Variants in MDGA2 observed in about 807,000 individuals in gnomAD.
The protein encoded by MDGA2 is MAM domain-containing glycosylphosphatidylinositol anchor protein 2.
MDGA2 carries 40 observed loss-of-function variants against 117.8 expected under a neutral mutation model. The observed-to-expected ratio is 0.34, with a 90% CI of 0.26 to 0.44. MDGA2 has a LOEUF of 0.44. MDGA2 is among the 20% of genes least tolerant of loss of function. MDGA2 has a pLI of 1.00. For synonymous variants in MDGA2, 452 were observed against 439.0 expected, an observed-to-expected ratio of 1.03 and a Z score of -0.37; for missense variants, 1,123 against 1,250.6, an observed-to-expected ratio of 0.90 and a Z score of 1.54.
chr14:47,039,678 A>T (rs957649209), intron 7 of MDGA2, among the ~76,000 whole-genome samples: 4 of 152,216 alleles, frequency 2.6e-5, no homozygotes, highest in Non-Finnish European at 5.9e-5. Context: ...GTTGTTAAAT[A>T]AATCATAAAA....
chr14:47,637,736 G>A (rs980038833), intron 1 of MDGA2, among the ~76,000 whole-genome samples: 1 of 152,188 alleles, frequency 6.6e-6, no homozygotes, highest in African/African-American at 2.4e-5. Context: ...GTAAGTGCAA[G>A]TTAGTTTTTA....
At chr14:47,249,046 T>A (rs1887353266) in intron 2 of MDGA2, among the ~76,000 whole-genome samples, 1 of 149,258 alleles carries the variant, frequency 6.7e-6, no homozygotes, top group South Asian at 2.1e-4. Context: ...TTTCATGGAG[T>A]CTCGCTCTGT....
rs1380545505 is a variant in MDGA2 at position 47,642,963 on chromosome 14, T to C, written c.280+31554A>G. Among the ~76,000 whole-genome samples the C allele has an allele frequency of 1.3e-5, 2 of 152,048 alleles. 1 individual carries two copies. Among genetic ancestry groups the C allele is most frequent in the Admixed American group, 1.3e-4 (2 of 15,266 alleles). On this transcript the variant is annotated intron_variant, in intron 1 of 16. Coordinates refer to ENST00000399232, the MANE Select transcript of MDGA2 (RefSeq NM_001113498.3). ...ATGTGTCTTTGCCTAATTTTCCTCA[T>C]ATGTCAACAAATAAGGATAACAACA...
At chr14:46,890,053 T>C (rs1882822773) in intron 10 of MDGA2, among the ~76,000 whole-genome samples, 1 of 152,074 alleles carries the variant, frequency 6.6e-6, no homozygotes, top group Non-Finnish European at 1.5e-5. Flanking sequence ...GTATTTGCTT[T>C]GGGAATTGCT....
chr14:47,602,310 G>A (rs774084973), intron 1 of MDGA2, among the ~76,000 whole-genome samples: 22 of 152,216 alleles, frequency 1.4e-4, no homozygotes, highest in Non-Finnish European at 2.4e-4. Flanking sequence ...CATGGAGTGA[G>A]TGCACTAAAA....
intron 2 of MDGA2, among the ~76,000 whole-genome samples, chr14:47,284,001 C>G (rs2139747473): frequency 6.6e-6 from 1 of 152,268 alleles, no homozygotes; most frequent in East Asian, 1.9e-4. Flanking sequence ...AGCTTGAAGT[C>G]AGCACTTTGG....
chr14:47,281,722 G>A (rs1264151268), intron 2 of MDGA2, among the ~76,000 whole-genome samples: 2 of 152,068 alleles, frequency 1.3e-5, no homozygotes, highest in Non-Finnish European at 2.9e-5. Flanking sequence ...TTTGAATTCT[G>A]TAATTTCTTC....
intron 1 of MDGA2, among the ~76,000 whole-genome samples, chr14:47,327,668 C>T (rs868030457): frequency 4.5e-4 from 69 of 152,132 alleles, no homozygotes; most frequent in Middle Eastern, 3.2e-3. Context: ...AATTACTACA[C>T]AAATTATAAA....
chr14:47,507,693 A>G (rs1231710923), intron 1 of MDGA2, among the ~76,000 whole-genome samples: 3 of 152,186 alleles, frequency 2.0e-5, no homozygotes, highest in African/African-American at 4.8e-5. Flanking sequence ...ATTTTTCTTT[A>G]TACTTAAAGA....
intron 8 of MDGA2, among the ~76,000 whole-genome samples, chr14:46,987,942 G>A (rs957940652): frequency 2.6e-5 from 4 of 151,002 alleles, no homozygotes; most frequent in East Asian, 2.0e-4. Flanking sequence ...GGGGGTGCGC[G>A]CGTGTGTGTA....
intron 3 of MDGA2, among the ~76,000 whole-genome samples, chr14:47,176,195 G>A (rs1175239616): frequency 6.6e-6 from 1 of 152,086 alleles, no homozygotes; most frequent in African/African-American, 2.4e-5. Context: ...TGGGTAGGAA[G>A]AATCAGTATC....
At chr14:47,607,715 G>GT (rs1220031732) in intron 1 of MDGA2, among the ~76,000 whole-genome samples, 1 of 152,084 alleles carries the variant, frequency 6.6e-6, no homozygotes, top group Admixed American at 6.6e-5. Flanking sequence ...AGAGTAAGTG[G>GT]TTTTGATTGC....
At chr14:47,456,220 G>C (rs984176585) in intron 1 of MDGA2, among the ~76,000 whole-genome samples, 3 of 151,260 alleles carry the variant, frequency 2.0e-5, no homozygotes, top group Non-Finnish European at 4.4e-5. Flanking sequence ...AGAGATAATG[G>C]AAAAGTTGTC....
At chr14:47,281,287 C>T (rs1888480533) in intron 2 of MDGA2, among the ~76,000 whole-genome samples, 1 of 151,422 alleles carries the variant, frequency 6.6e-6, no homozygotes, top group Non-Finnish European at 1.5e-5. Flanking sequence ...TAAAATTCAC[C>T]CCTCTCCCCC....
intron 1 of MDGA2, among the ~76,000 whole-genome samples, chr14:47,476,134 C>T (rs1893830830): frequency 6.6e-6 from 1 of 152,036 alleles, no homozygotes; most frequent in Non-Finnish European, 1.5e-5. Flanking sequence ...AGGCAAAGAT[C>T]CATGAATATA....
chr14:47,268,034 A>G (rs1422890572), intron 2 of MDGA2, among the ~76,000 whole-genome samples: 3 of 151,348 alleles, frequency 2.0e-5, no homozygotes, highest in Non-Finnish European at 2.9e-5. Context: ...AAAGGCTACA[A>G]TCTACTCATG....
chr14:47,214,245 A>C (rs1360867987), intron 3 of MDGA2, among the ~76,000 whole-genome samples: 1 of 152,142 alleles, frequency 6.6e-6, no homozygotes, highest in Non-Finnish European at 1.5e-5. Flanking sequence ...CAACAACAAC[A>C]ACAAAAATTG....
At chr14:47,144,370 C>A in intron 3 of MDGA2, 96 bp from the exon 4 acceptor site, 1 of 802,938 alleles carries the variant, frequency 1.2e-6, no homozygotes. Flanking sequence ...GCATATTCCT[C>A]ATTGATTGTA....
chr14:46,970,690 C>A (rs1213038119), intron 8 of MDGA2, among the ~76,000 whole-genome samples: 1 of 151,982 alleles, frequency 6.6e-6, no homozygotes, highest in Non-Finnish European at 1.5e-5. Flanking sequence ...CAAAAATAGA[C>A]AAATGGGACT....
Sources: allele counts gnomAD v4.1 joint callset (sites outside exome capture counted in the v4.1 genomes callset), GRCh38; gene constraint gnomAD v4.1.1; transcripts MANE v1.5; gene names NCBI Gene and HGNC (gene_info 2026-07-23, HGNC 2026-07-21).